The following RUNX1 variants were observed in gnomAD, a reference collection of about 807,000 sequenced individuals.
RUNX1 encodes RUNX family transcription factor 1.
A neutral mutation model predicts 42.8 loss-of-function variants in RUNX1; 19 were observed. The observed-to-expected ratio is 0.44, with a 90% confidence interval of 0.31 to 0.65. The LOEUF is 0.65. RUNX1 is among the 30% of genes least tolerant of loss of function. RUNX1 has a pLI of 0.07. For synonymous variants in RUNX1, 271 were observed against 289.4 expected (o/e 0.94, Z 0.64); for missense variants, 528 against 672.0 (o/e 0.79, Z 2.37).
chr21:34,954,453 C>T (rs1044218670), intron 2 of RUNX1, among the ~76,000 whole-genome samples: 7 of 152,268 alleles, frequency 4.6e-5, no homozygotes, highest in African/African-American at 1.7e-4. Context: ...ATTAGGGCTC[C>T]AACCCCAGGG....
Position 34,948,446 on chromosome 21 carries a change from C to T in RUNX1, c.59-55483G>A, listed in dbSNP as rs571514910. On this transcript the variant is annotated intron_variant, in intron 2 of 8. Transcript: ENST00000675419. ...TAAAAGTTCTGTATAGGAACAGGCT[C>T]TGAGAGGAGAATTTCTCAGAAGAGG... Among the ~76,000 whole-genome samples the T allele has an allele frequency of 1.4e-4, 22 of 152,252 alleles. No individual in the cohort carries two copies. The South Asian group carries it at 3.9e-3, about 27-fold the overall frequency.
At chr21:34,923,617 A>T (rs947211224) in intron 2 of RUNX1, among the ~76,000 whole-genome samples, 3 of 152,346 alleles carry the variant, frequency 2.0e-5, no homozygotes, top group African/African-American at 7.2e-5. Context: ...ACAAAGGCCA[A>T]CCTGAACTTG....
intron 7 of RUNX1, among the ~76,000 whole-genome samples, chr21:34,803,125 G>C (rs2056630972): frequency 2.0e-5 from 3 of 152,186 alleles, no homozygotes; most frequent in Non-Finnish European, 4.4e-5. Flanking sequence ...ACACTCTTCA[G>C]GCTGGAGAGG....
In RUNX1 at chr21:34,789,759, C is replaced by T. The variant is rs572680643; in HGVS notation, c.*2376G>A. Reference sequence around the variant, plus strand: ...CAGTGAGCCTACAATAGTGACAAGCCCCCTCCACACATGGCTTTGAGAGTA... The same window carrying T: ...CAGTGAGCCTACAATAGTGACAAGCTCCCTCCACACATGGCTTTGAGAGTA... On this transcript the variant is annotated 3_prime_UTR_variant, in exon 9 of 9. Coordinates refer to ENST00000675419, the MANE Select transcript of RUNX1 (RefSeq NM_001754.5). The T allele has an allele frequency of 1.8e-4, 42 of 233,104 alleles. No individual in the cohort carries two copies. The highest frequency in any genetic ancestry group is 3.3e-4 in the Non-Finnish European group (39 of 118,016). The allele number at this position is 233,104 out of a possible 1,614,324, so 14.4% of individuals were successfully genotyped here.
intron 6 of RUNX1, among the ~76,000 whole-genome samples, chr21:34,849,341 TTATATATAGTATATATAA>T (rs2057371038): frequency 2.5e-5 from 1 of 39,490 alleles, no homozygotes; most frequent in Non-Finnish European, 5.1e-5. Flanking sequence ...ACTATATATA[TTATATATAGTATATATAA>T]TATATTATAT....
chr21:35,022,908 A>AAT (rs1168180775), intron 2 of RUNX1, among the ~76,000 whole-genome samples: 2 of 150,112 alleles, frequency 1.3e-5, no homozygotes, highest in Non-Finnish European at 3.0e-5. Flanking sequence ...TAATAATAAT[A>AAT]ATAATAATAA....
chr21:34,847,634 C>G (rs1397746799), intron 6 of RUNX1, among the ~76,000 whole-genome samples: 1 of 152,092 alleles, frequency 6.6e-6, no homozygotes, highest in Non-Finnish European at 1.5e-5. Flanking sequence ...ATAGATGACC[C>G]AGGGGAAGCT....
At chr21:35,020,834 T>C (rs1403385152) in intron 2 of RUNX1, among the ~76,000 whole-genome samples, 1 of 152,202 alleles carries the variant, frequency 6.6e-6, no homozygotes. Flanking sequence ...TTATAAAATG[T>C]ATTTACAACC....
chr21:34,835,455 C>G (rs1457103897), intron 6 of RUNX1, among the ~76,000 whole-genome samples: 1 of 152,020 alleles, frequency 6.6e-6, no homozygotes, highest in East Asian at 1.9e-4. Flanking sequence ...CCCTCAGTGT[C>G]TATATAGATA....
At chr21:34,945,874 C>T (rs1283485894) in intron 2 of RUNX1, among the ~76,000 whole-genome samples, 1 of 152,204 alleles carries the variant, frequency 6.6e-6, no homozygotes, top group African/African-American at 2.4e-5. Context: ...ACTCCAGTCC[C>T]ATGTCTTCAT....
intron 2 of RUNX1, among the ~76,000 whole-genome samples, chr21:34,962,773 G>A (rs1306540220): frequency 6.6e-6 from 1 of 152,230 alleles, no homozygotes; most frequent in African/African-American, 2.4e-5. Flanking sequence ...GGAACATGGC[G>A]TTTCTTCTGA....
chr21:34,952,918 T>G (rs1388716189), intron 2 of RUNX1, among the ~76,000 whole-genome samples: 1 of 152,216 alleles, frequency 6.6e-6, no homozygotes, highest in Non-Finnish European at 1.5e-5. Context: ...ACACAGGCTA[T>G]GTCTGATCAA....
At chr21:34,883,245 CTT>C (rs200296403) in intron 4 of RUNX1, among the ~76,000 whole-genome samples, 1 of 151,278 alleles carries the variant, frequency 6.6e-6, no homozygotes, top group South Asian at 2.1e-4. Context: ...TCCCACTCCT[CTT>C]TTTTTTTAAA....
chr21:35,008,344 C>T (rs2059100905), intron 2 of RUNX1, among the ~76,000 whole-genome samples: 1 of 152,208 alleles, frequency 6.6e-6, no homozygotes, highest in African/African-American at 2.4e-5. Flanking sequence ...GTTATTTCTT[C>T]ACATTCTGAT....
At chr21:34,875,756 T>G (rs1276182615) in intron 5 of RUNX1, among the ~76,000 whole-genome samples, 1 of 152,164 alleles carries the variant, frequency 6.6e-6, no homozygotes, top group Non-Finnish European at 1.5e-5. Context: ...CCAAGCCATG[T>G]CTCTTTGTTT....
rs748758482 is a variant in RUNX1, at chr21:34,892,926, G to A, written c.96C>T (p.His32=). 5 of 1,552,032 alleles carry A rather than the reference G, an allele frequency of 3.2e-6. No homozygotes were observed. In the Admixed American group the frequency reaches 5.0e-5, roughly 16 times the overall value. Residue 32 remains histidine (H), a splice_region_variant and synonymous_variant, in exon 3 of 9, where the codon CAC becomes CAT. Coordinates refer to ENST00000675419, the MANE Select transcript of RUNX1 (RefSeq NM_001754.5). Reference sequence around the variant, plus strand: ...AATATAACTTGGAATTTAACATACCGTGGACGTCTCTAGAAGGATTCATTC... The same window carrying A: ...AATATAACTTGGAATTTAACATACCATGGACGTCTCTAGAAGGATTCATTC... The part of the protein sequence containing the change: ...ILGMNPSRDV[H]DASTSRRFTP...
intron 2 of RUNX1, among the ~76,000 whole-genome samples, chr21:34,942,498 A>G (rs1225652750): frequency 6.6e-6 from 1 of 152,192 alleles, no homozygotes; most frequent in Non-Finnish European, 1.5e-5. Context: ...GAGCTCAGGT[A>G]CAAGTGTCCA....
Position 35,026,092 on chromosome 21 carries a change from A to G in RUNX1, c.58+22750T>C, listed in dbSNP as rs1478177763. 2.6e-5 allele frequency among the ~76,000 whole-genome samples: 4 copies of G among 152,326 alleles called. No individual in the cohort carries two copies. In the South Asian group the frequency reaches 6.2e-4, roughly 24 times the overall value. On this transcript the variant is annotated intron_variant, in intron 2 of 8. Transcript: ENST00000675419. The stretch of plus-strand genomic sequence containing the variant: ...GACTCAATCAACCCCAACAGGCATC[A>G]TCTTCTGTGACTCAAGATGTCCTTT...
chr21:35,022,868 C>T (rs1050471224), intron 2 of RUNX1, among the ~76,000 whole-genome samples: 2 of 127,632 alleles, frequency 1.6e-5, no homozygotes, highest in Admixed American at 7.6e-5. Flanking sequence ...GCACTCCAGT[C>T]TGGGCAACAT....
Sources: allele counts gnomAD v4.1 joint callset (sites outside exome capture counted in the v4.1 genomes callset), GRCh38; gene constraint gnomAD v4.1.1; transcripts MANE v1.5; gene names NCBI Gene and HGNC (gene_info 2026-07-23, HGNC 2026-07-21).